The following DPY19L1 variants were observed in gnomAD, a reference collection of about 807,000 sequenced individuals.
DPY19L1 encodes the protein protein C-mannosyl-transferase DPY19L1.
In DPY19L1, 35 loss-of-function variants were observed where a neutral mutation model predicts 96.9. The ratio of observed to expected loss-of-function variants is 0.36; its 90% CI spans 0.28 to 0.48. The LOEUF (loss-of-function observed/expected upper bound fraction) is 0.48. Among genes scored for constraint, DPY19L1 ranks in the 20% least tolerant of loss-of-function variants. The pLI is 0.99. For synonymous variants in DPY19L1, 205 were observed against 252.6 expected, an observed-to-expected ratio of 0.81 and a Z score of 1.79; for missense variants, 521 against 777.9, an observed-to-expected ratio of 0.67 and a Z score of 3.93.
At chr7:34,974,637 T>G (rs1172689156) in intron 7 of DPY19L1, among the ~76,000 whole-genome samples, 4 of 152,204 alleles carry the variant, frequency 2.6e-5, no homozygotes, top group South Asian at 4.1e-4. Flanking sequence ...AATGCAATTT[T>G]TAAAAGCTGT....
chr7:34,959,922 TA>T (rs1562806965), intron 10 of DPY19L1, among the ~76,000 whole-genome samples: 12,461 of 57,542 alleles, frequency 0.22, 610 homozygotes, highest in African/African-American at 0.29. Flanking sequence ...TATATATATA[TA>T]TTTATATATA....
intron 21 of DPY19L1, among the ~76,000 whole-genome samples, chr7:34,936,210 A>G (rs1783864680): frequency 6.6e-6 from 1 of 152,160 alleles, no homozygotes; most frequent in African/African-American, 2.4e-5. Flanking sequence ...ATTGCCATAC[A>G]TCCTGAATTT....
intron 6 of DPY19L1, among the ~76,000 whole-genome samples, chr7:34,993,790 T>G (rs1290435165): frequency 6.6e-6 from 1 of 152,108 alleles, no homozygotes; most frequent in African/African-American, 2.4e-5. Context: ...TCAGGCACAG[T>G]GGCTCATGCC....
chr7:34,999,721 T>C (rs1785378752), intron 6 of DPY19L1, among the ~76,000 whole-genome samples: 1 of 152,232 alleles, frequency 6.6e-6, no homozygotes, highest in East Asian at 1.9e-4. Flanking sequence ...AATAAGTGTT[T>C]ACAGTTCAGC....
intron 3 of DPY19L1, 45 bp downstream of exon 3, chr7:35,017,837 T>C (rs750606652): frequency 1.5e-5 from 21 of 1,421,330 alleles, no homozygotes; most frequent in Non-Finnish European, 1.8e-5. Context: ...TTAAATGTTT[T>C]TAAATTCCTA....
rs750709323 is a variant in DPY19L1 at position 35,013,683 on chromosome 7, T to C, written c.434A>G (p.Lys145Arg). ...AAATGAGGGTGCTTCCACAATAGTC[T>C]TGAAATAGGAATAATATAGTCCCTG... Reference protein sequence around the residue: ...TEMGLYYSYFKTIVEAPSFLN... With the variant: ...TEMGLYYSYFRTIVEAPSFLN... Residue 145 changes from lysine to arginine, a missense_variant, in exon 4 of 22, where the codon AAG becomes AGG. Transcript: ENST00000638088. 2.5e-6 allele frequency: 4 copies of C among 1,603,626 alleles called. No individual in the cohort carries two copies. The Admixed American group carries it at 6.7e-5, about 27-fold the overall frequency.
rs117105222 is a variant in DPY19L1 at position 34,955,410 on chromosome 7, T to A, written c.1180-43A>T. 1.9e-6 allele frequency: 3 copies of A among 1,570,094 alleles called. No individual in the cohort carries two copies. The East Asian group carries it at 6.7e-5, about 35-fold the overall frequency. On this transcript the variant is annotated intron_variant, in intron 11 of 21. Coordinates refer to ENST00000638088, the MANE Select transcript of DPY19L1 (RefSeq NM_001366673.1). ...ACATAGTATACACAGTTAATACTTATAGACATAAATTCAAGTACCAAAAAA... is the reference window on the plus strand; with the variant it reads ...ACATAGTATACACAGTTAATACTTAAAGACATAAATTCAAGTACCAAAAAA...
chr7:34,994,266 G>A (rs1470334825), intron 6 of DPY19L1, among the ~76,000 whole-genome samples: 2 of 152,104 alleles, frequency 1.3e-5, no homozygotes, highest in East Asian at 1.9e-4. Flanking sequence ...TGACTATACA[G>A]AGATTACACA....
chr7:34,974,962 C>A (rs528627786), intron 7 of DPY19L1, among the ~76,000 whole-genome samples: 1 of 152,236 alleles, frequency 6.6e-6, no homozygotes, highest in Non-Finnish European at 1.5e-5. Context: ...TTGAACCATG[C>A]CCAATAAGAT....
At chr7:35,019,585 G>T (rs920792128) in intron 1 of DPY19L1, among the ~76,000 whole-genome samples, 2 of 151,464 alleles carry the variant, frequency 1.3e-5, no homozygotes, top group Non-Finnish European at 2.9e-5. Flanking sequence ...GAGGAAAGAA[G>T]GAAGAAGAGA....
At chr7:34,948,494 A>G (rs528352968) in intron 14 of DPY19L1, among the ~76,000 whole-genome samples, 3 of 152,324 alleles carry the variant, frequency 2.0e-5, no homozygotes, top group Admixed American at 2.0e-4. Context: ...CACAGTCCCT[A>G]TGAATTAAGA....
intron 7 of DPY19L1, among the ~76,000 whole-genome samples, chr7:34,980,155 A>T (rs566354635): frequency 6.6e-6 from 1 of 152,234 alleles, no homozygotes; most frequent in Non-Finnish European, 1.5e-5. Flanking sequence ...AGCGGGGAAA[A>T]ATCTTCTTTT....
At chr7:34,993,643 A>G (rs1331619110) in intron 6 of DPY19L1, among the ~76,000 whole-genome samples, 1 of 142,506 alleles carries the variant, frequency 7.0e-6, no homozygotes, top group Non-Finnish European at 1.5e-5. Flanking sequence ...CAGACTTCTG[A>G]TCAGAATGAC....
At chr7:35,004,926 C>T (rs879302225) in intron 6 of DPY19L1, among the ~76,000 whole-genome samples, 1 of 152,126 alleles carries the variant, frequency 6.6e-6, no homozygotes, top group African/African-American at 2.4e-5. Context: ...GACTCATCAG[C>T]CACACTCACT....
At position 34,989,304 on chromosome 7, in the gene DPY19L1, T is replaced by C. The variant is rs890374205; in HGVS notation, c.822+580A>G. ...AACTAAATTGTTAGCTTTCACAGTTTTAAAATTATACAAACAATTGATACT... is the reference window on the plus strand; with the variant it reads ...AACTAAATTGTTAGCTTTCACAGTTCTAAAATTATACAAACAATTGATACT... On this transcript the variant is annotated intron_variant, in intron 7 of 21. Coordinates refer to ENST00000638088, the MANE Select transcript of DPY19L1 (RefSeq NM_001366673.1). 2.6e-5 allele frequency among the ~76,000 whole-genome samples: 4 copies of C among 152,182 alleles called. No individual in the cohort carries two copies. In the South Asian group the frequency reaches 6.2e-4, roughly 24 times the overall value.
chr7:35,014,826 C>G (rs1488903688), intron 3 of DPY19L1, among the ~76,000 whole-genome samples: 1 of 152,138 alleles, frequency 6.6e-6, no homozygotes, highest in African/African-American at 2.4e-5. Flanking sequence ...AAACCCAACA[C>G]AACTGATGTA....
In DPY19L1 at chr7:35,001,306, GT is replaced by G. The variant is rs200531426; in HGVS notation, c.764+9161del. On this transcript the variant is annotated intron_variant, in intron 6 of 21. Coordinates refer to ENST00000638088, the MANE Select transcript of DPY19L1 (RefSeq NM_001366673.1). ...GTAAAGCTTATGTGATAGATAATAT[GT>G]TTTTATTGTGCCTTTCATATATGGC... is the stretch of plus-strand genomic sequence containing the variant. 8.2e-3 allele frequency among the ~76,000 whole-genome samples: 1,247 copies of G among 152,274 alleles called. 20 individuals are homozygous for G. The highest frequency in any genetic ancestry group is 0.029 in the African/African-American group (1,194 of 41,558).
intron 6 of DPY19L1, among the ~76,000 whole-genome samples, chr7:34,993,378 T>C (rs1162856165): frequency 6.6e-6 from 1 of 152,172 alleles, no homozygotes; most frequent in Non-Finnish European, 1.5e-5. Flanking sequence ...AAATTCAGCC[T>C]TTATCTTAAT....
intron 1 of DPY19L1, among the ~76,000 whole-genome samples, chr7:35,030,550 C>G (rs1232705406): frequency 1.3e-5 from 2 of 152,102 alleles, no homozygotes; most frequent in African/African-American, 4.8e-5. Flanking sequence ...GTTAAAATTA[C>G]AAAATGCCAT....
Sources: gnomAD v4.1 joint callset for allele counts (sites outside exome capture counted in the v4.1 genomes callset) on GRCh38, gnomAD v4.1.1 for gene constraint, MANE v1.5 for transcripts, NCBI Gene and HGNC (gene_info 2026-07-23, HGNC 2026-07-21) for gene names.